Variants in CSMD1 observed in about 807,000 individuals in gnomAD.
CSMD1 encodes CUB and Sushi multiple domains 1, also known as CUB and sushi domain-containing protein 1.
Under a neutral mutation model 417.5 loss-of-function variants are expected in CSMD1, and 213 were observed. The ratio of observed to expected loss-of-function variants is 0.51; its 90% confidence interval spans 0.46 to 0.57. The LOEUF is 0.57. CSMD1 is among the 20% of genes least tolerant of loss of function. The pLI is 0.00. For synonymous variants in CSMD1, 2,862 were observed against 1,736.8 expected (o/e 1.65, Z -16.11); for missense variants, 6,923 against 4,529.7 (o/e 1.53, Z -15.17).
At chr8:3,210,510 T>C (rs1290951548) in intron 30 of CSMD1, among the ~76,000 whole-genome samples, 2 of 148,768 alleles carry the variant, frequency 1.3e-5, no homozygotes, top group Non-Finnish European at 3.0e-5. Flanking sequence ...ATATATCCTA[T>C]ATATAGGAAT....
chr8:4,045,980 T>A (rs7816680), intron 3 of CSMD1, among the ~76,000 whole-genome samples: 11,622 of 152,174 alleles, frequency 0.076, 927 homozygotes, highest in African/African-American at 0.19. Context: ...TCCTGTGAAG[T>A]GGATATAATT....
At chr8:4,594,596 A>G (rs1352592649) in intron 2 of CSMD1, among the ~76,000 whole-genome samples, 4 of 152,162 alleles carry the variant, frequency 2.6e-5, no homozygotes, top group Non-Finnish European at 5.9e-5. Flanking sequence ...AACTTAACCC[A>G]TAACAGGAAA....
chr8:4,344,416 A>C (rs909676741), intron 3 of CSMD1, among the ~76,000 whole-genome samples: 3 of 152,064 alleles, frequency 2.0e-5, no homozygotes. Context: ...CTGTTGAGCA[A>C]AGGCAGGAAT....
intron 1 of CSMD1, among the ~76,000 whole-genome samples, chr8:4,940,595 T>G (rs917189578): frequency 1.3e-5 from 2 of 152,180 alleles, no homozygotes; most frequent in African/African-American, 4.8e-5. Flanking sequence ...CAGGTCAGTG[T>G]TTTGATTCTG....
At chr8:2,947,705 G>C (rs1005806086) in intron 68 of CSMD1, among the ~76,000 whole-genome samples, 3 of 152,160 alleles carry the variant, frequency 2.0e-5, no homozygotes, top group African/African-American at 4.8e-5. Flanking sequence ...GTGTGCTACA[G>C]AGAGAAAGGA....
chr8:4,113,815 C>T (rs1801987738), intron 3 of CSMD1, among the ~76,000 whole-genome samples: 2 of 152,110 alleles, frequency 1.3e-5, no homozygotes, highest in African/African-American at 4.8e-5. Flanking sequence ...TACAACATTC[C>T]CTTAAACCAA....
At chr8:3,018,722 C>G in intron 51 of CSMD1, 72 bp from the exon 52 acceptor site, 1 of 1,386,620 alleles carries the variant, frequency 7.2e-7, no homozygotes, top group South Asian at 1.4e-5. Context: ...AACAAACAAA[C>G]AAAAACAAAC....
In CSMD1 at chr8:3,944,088, G is replaced by A. The variant is rs906348204; in HGVS notation, c.818+53815C>T. 4.6e-5 allele frequency among the ~76,000 whole-genome samples: 7 copies of A among 152,116 alleles called. 1 individual carries two copies. The highest frequency in any genetic ancestry group is 2.6e-4 in the Admixed American group (4 of 15,244). ...CTATTTCAAGAAAAATATACAGTGA[G>A]AAAGAATAAAGCAAATGTGATAAAA... is the stretch of plus-strand genomic sequence containing the variant. On this transcript the variant is annotated intron_variant, in intron 5 of 69. Transcript: ENST00000635120.
At chr8:3,538,122 C>G (rs1344487342) in intron 10 of CSMD1, among the ~76,000 whole-genome samples, 1 of 152,176 alleles carries the variant, frequency 6.6e-6, no homozygotes, top group Non-Finnish European at 1.5e-5. Context: ...ATAAACCAAA[C>G]GATTGCACAT....
At chr8:4,134,355 T>C (rs766351613) in intron 3 of CSMD1, among the ~76,000 whole-genome samples, 14 of 152,122 alleles carry the variant, frequency 9.2e-5, no homozygotes, top group Non-Finnish European at 2.1e-4. Context: ...TCCATGACGA[T>C]TTTTATTCTT....
Position 4,787,399 on chromosome 8 carries a change from A to G in CSMD1, c.86-149841T>C, listed in dbSNP as rs966925630. The G allele has an allele frequency of 2.3e-5, 17 of 740,764 alleles. No homozygotes were observed. In the African/African-American group the frequency reaches 2.8e-4, roughly 12 times the overall value. 45.9% of individuals were successfully genotyped at this position (740,764 alleles called of 1,614,324 possible). A position where few individuals can be genotyped will look rare whatever the true frequency, so the allele number is the denominator to read the frequency against. On this transcript the variant is annotated intron_variant, in intron 1 of 69. Coordinates refer to ENST00000635120, the MANE Select transcript of CSMD1 (RefSeq NM_033225.6). Reference sequence around the variant, plus strand: ...GAGGGTAAAACAAAAGAAGTCTACGAAAAGTCCTCCTGCAGTCCAAGGACA... The same window carrying G: ...GAGGGTAAAACAAAAGAAGTCTACGGAAAGTCCTCCTGCAGTCCAAGGACA...
At chr8:3,646,030 A>T (rs1181327389) in intron 7 of CSMD1, among the ~76,000 whole-genome samples, 1 of 150,266 alleles carries the variant, frequency 6.7e-6, no homozygotes, top group Admixed American at 6.6e-5. Flanking sequence ...CAAAAACTAG[A>T]AATATTCTAA....
At chr8:3,205,441 G>T in intron 31 of CSMD1, 63 bp downstream of exon 31, 1 of 832,190 alleles carries the variant, frequency 1.2e-6, no homozygotes, top group Non-Finnish European at 1.9e-6. Context: ...TTTATCAAAT[G>T]ACAGAAAAAT....
At chr8:3,867,434 G>A (rs766073778) in intron 5 of CSMD1, among the ~76,000 whole-genome samples, 1 of 151,998 alleles carries the variant, frequency 6.6e-6, no homozygotes, top group Non-Finnish European at 1.5e-5. Context: ...ATTTGCCCTT[G>A]AGTCTTCCTG....
intron 10 of CSMD1, among the ~76,000 whole-genome samples, chr8:3,517,883 G>C (rs986866414): frequency 2.0e-5 from 3 of 152,114 alleles, no homozygotes; most frequent in South Asian, 4.1e-4. Context: ...ATTCTTAAAG[G>C]AGATTTAAAG....
At chr8:4,095,291 A>T (rs748670243) in intron 3 of CSMD1, among the ~76,000 whole-genome samples, 1 of 152,178 alleles carries the variant, frequency 6.6e-6, no homozygotes, top group Non-Finnish European at 1.5e-5. Context: ...GTAACCTTTA[A>T]TATCAATTCT....
chr8:3,037,601 G>C (rs958219875), intron 50 of CSMD1, among the ~76,000 whole-genome samples: 6 of 152,094 alleles, frequency 3.9e-5, no homozygotes, highest in Non-Finnish European at 8.8e-5. Context: ...CTCTTCTTTT[G>C]GGTAGATGCC....
At chr8:4,006,804 A>G (rs1306507961) in intron 4 of CSMD1, among the ~76,000 whole-genome samples, 1 of 150,384 alleles carries the variant, frequency 6.6e-6, no homozygotes, top group East Asian at 2.0e-4. Context: ...TGTCGCTGAG[A>G]GAATCCAGGA....
chr8:4,424,149 T>C lies in CSMD1; in HGVS notation c.303-4084A>G, dbSNP rs576127263. Among the ~76,000 whole-genome samples, 4 of 152,152 alleles carry C rather than the reference T, an allele frequency of 2.6e-5. 1 individual carries two copies. The highest frequency in any genetic ancestry group is 9.6e-5 in the African/African-American group (4 of 41,552). On this transcript the variant is annotated intron_variant, in intron 2 of 69. Transcript: ENST00000635120. Reference sequence around the variant, plus strand: ...CTAGGGCTAGACAGAGTTTCTATGCTTGACACCAAAATTACAAACCAGAAA... The same window carrying C: ...CTAGGGCTAGACAGAGTTTCTATGCCTGACACCAAAATTACAAACCAGAAA...
Sources: gnomAD v4.1 joint callset for allele counts (sites outside exome capture counted in the v4.1 genomes callset) on GRCh38, gnomAD v4.1.1 for gene constraint, MANE v1.5 for transcripts, NCBI Gene and HGNC (gene_info 2026-07-23, HGNC 2026-07-21) for gene names.